Variants in ZPLD1 observed in about 807,000 individuals in gnomAD.
ZPLD1 encodes the protein zona pellucida-like domain-containing protein 1.
Under a neutral mutation model 47.2 loss-of-function variants are expected in ZPLD1, and 34 were observed. The ratio of observed to expected loss-of-function variants is 0.72; its 90% CI spans 0.55 to 0.96. The LOEUF (loss-of-function observed/expected upper bound fraction) is 0.96, where lower values mean the gene tolerates loss of function less well. ZPLD1 is among the 40% of genes least tolerant of loss of function. The pLI, the probability that ZPLD1 is intolerant of heterozygous loss-of-function variation, is 0.00. For missense variants in ZPLD1, 512 were observed against 505.8 expected (o/e 1.01, Z -0.12); for synonymous variants, 176 against 186.2 (o/e 0.95, Z 0.45).
exon 6 of ZPLD1, chr3:102,385,176 G>A (rs1706411710): frequency 6.6e-6 from 1 of 152,138 alleles, no homozygotes; most frequent in African/African-American, 2.4e-5. Flanking sequence ...CACCCACATA[G>A]ACCTTTTTCT....
intron 7 of ZPLD1, among the ~76,000 whole-genome samples, chr3:102,414,211 A>G (rs1314005516): frequency 1.3e-5 from 2 of 151,874 alleles, no homozygotes; most frequent in African/African-American, 2.4e-5. Flanking sequence ...AACTCCCACA[A>G]TTCTATAATG....
chr3:102,432,140 C>CT (rs1198468139), upstream of ZPLD1, among the ~76,000 whole-genome samples: 1 of 152,020 alleles, frequency 6.6e-6, no homozygotes, highest in African/African-American at 2.4e-5. Context: ...TTTTTTTCTC[C>CT]TTTTTTCCTG....
intron 7 of ZPLD1, among the ~76,000 whole-genome samples, chr3:102,402,353 G>T (rs1412899095): frequency 1.3e-5 from 2 of 151,952 alleles, no homozygotes; most frequent in Non-Finnish European, 2.9e-5. Flanking sequence ...AGATATCTGT[G>T]CTTGTAAAGC....
intron 6 of ZPLD1, among the ~76,000 whole-genome samples, chr3:102,387,187 T>C (rs1282786770): frequency 6.6e-6 from 1 of 152,202 alleles, no homozygotes; most frequent in Admixed American, 6.5e-5. Flanking sequence ...AGGATGTGAC[T>C]GCCTGTGGCC....
At chr3:102,463,306 A>G (rs1312196485) in intron 7 of ZPLD1, among the ~76,000 whole-genome samples, 2 of 152,202 alleles carry the variant, frequency 1.3e-5, no homozygotes, top group Admixed American at 1.3e-4. Context: ...ATTCTGATAT[A>G]CAATTTATGC....
chr3:102,458,061 G>T (rs951092404), intron 6 of ZPLD1, among the ~76,000 whole-genome samples: 15 of 152,032 alleles, frequency 9.9e-5, no homozygotes, highest in Non-Finnish European at 1.9e-4. Context: ...GTTGATATAA[G>T]ATTTAAATTT....
At chr3:102,474,643 G>T (rs1033732015) in intron 10 of ZPLD1, among the ~76,000 whole-genome samples, 8 of 152,032 alleles carry the variant, frequency 5.3e-5, no homozygotes, top group Non-Finnish European at 1.2e-4. Context: ...AAATTATTCT[G>T]CATGTATCTT....
At chr3:102,473,108 GA>G (rs1018144392) in intron 10 of ZPLD1, among the ~76,000 whole-genome samples, 5 of 152,098 alleles carry the variant, frequency 3.3e-5, no homozygotes, top group African/African-American at 7.2e-5. Flanking sequence ...AACAGCATGG[GA>G]AAAAAACCCA....
chr3:102,470,631 A>G (rs1047063287), intron 10 of ZPLD1, 129 bp downstream of exon 10: 6 of 674,586 alleles, frequency 8.9e-6, no homozygotes, highest in Non-Finnish European at 1.5e-5. Flanking sequence ...TAAACTACTA[A>G]GCAACTTTAA....
At chr3:102,452,254 AT>A (rs34069463) in intron 3 of ZPLD1, among the ~76,000 whole-genome samples, 52,860 of 133,280 alleles carry the variant, frequency 0.4, 10,246 homozygotes, top group Middle Eastern at 0.5. Context: ...TGTTTAGGTC[AT>A]TTTTTTTTTT....
chr3:102,397,083 A>G (rs1706566351), intron 7 of ZPLD1, among the ~76,000 whole-genome samples: 1 of 152,130 alleles, frequency 6.6e-6, no homozygotes, highest in Admixed American at 6.6e-5. Context: ...ATAAGGACTG[A>G]TGCTTATGTT....
At chr3:102,446,913 G>T (rs542140457) in intron 3 of ZPLD1, among the ~76,000 whole-genome samples, 1 of 152,242 alleles carries the variant, frequency 6.6e-6, no homozygotes, top group South Asian at 2.1e-4. Context: ...ACAGAGACTG[G>T]CACATGATAT....
intron 3 of ZPLD1, among the ~76,000 whole-genome samples, chr3:102,442,571 T>C (rs1707197347): frequency 6.6e-6 from 1 of 152,134 alleles, no homozygotes; most frequent in African/African-American, 2.4e-5. Context: ...ACTGCCCTCT[T>C]GACTCTCAGT....
intron 8 of ZPLD1, among the ~76,000 whole-genome samples, chr3:102,428,610 A>G (rs1316553491): frequency 6.6e-6 from 1 of 151,814 alleles, no homozygotes; most frequent in Non-Finnish European, 1.5e-5. Flanking sequence ...GGGCAGTTTC[A>G]TATGTTTACA....
intron 8 of ZPLD1, among the ~76,000 whole-genome samples, chr3:102,467,449 A>G (rs1707613075): frequency 6.6e-6 from 1 of 152,254 alleles, no homozygotes; most frequent in East Asian, 1.9e-4. Flanking sequence ...CACAATTATT[A>G]AAGGAATGTG....
At chr3:102,399,574 G>A (rs1706596192) in intron 7 of ZPLD1, among the ~76,000 whole-genome samples, 1 of 151,872 alleles carries the variant, frequency 6.6e-6, no homozygotes, top group South Asian at 2.1e-4. Context: ...TTTTTTAAAT[G>A]TCTGCATGGT....
intron 3 of ZPLD1, among the ~76,000 whole-genome samples, chr3:102,450,444 T>G (rs1363225639): frequency 6.6e-6 from 1 of 152,088 alleles, no homozygotes; most frequent in African/African-American, 2.4e-5. Flanking sequence ...TTTCTATCAC[T>G]CAAGGTGATG....
intron 6 of ZPLD1, among the ~76,000 whole-genome samples, chr3:102,460,031 A>C (rs1248435239): frequency 6.6e-6 from 1 of 152,076 alleles, no homozygotes; most frequent in Non-Finnish European, 1.5e-5. Context: ...GCCATTTTAC[A>C]GGATTTTTAA....
intron 10 of ZPLD1, among the ~76,000 whole-genome samples, chr3:102,471,195 G>T (rs1231405548): frequency 6.6e-6 from 1 of 152,146 alleles, no homozygotes; most frequent in Non-Finnish European, 1.5e-5. Flanking sequence ...TCTAGTTTCT[G>T]GTTGGGCTTG....
Sources: gnomAD v4.1 joint callset for allele counts (sites outside exome capture counted in the v4.1 genomes callset) on GRCh38, gnomAD v4.1.1 for gene constraint, MANE v1.5 for transcripts, NCBI Gene and HGNC (gene_info 2026-07-23, HGNC 2026-07-21) for gene names.